FRMPD4: variants seen among roughly 807,000 people sequenced by gnomAD.
The protein encoded by FRMPD4 is FERM and PDZ domain-containing protein 4.
Under a neutral mutation model 94.1 loss-of-function variants are expected in FRMPD4, and 22 were observed. The ratio of observed to expected loss-of-function variants is 0.23; its 90% confidence interval spans 0.17 to 0.33. The LOEUF (loss-of-function observed/expected upper bound fraction) is 0.33, where lower values mean the gene tolerates loss of function less well. FRMPD4 is among the 10% of genes least tolerant of loss of function. The probability of loss-of-function intolerance (pLI) is 1.00; values close to 1 mark genes in which losing one functional copy is unlikely to be tolerated. For missense variants in FRMPD4, 1,111 were observed against 1,339.9 expected, an observed-to-expected ratio of 0.83 and a Z score of 2.67; for synonymous variants, 631 against 548.6, an observed-to-expected ratio of 1.15 and a Z score of -2.10.
chrX:11,873,491 T>C (rs901491247), intron 2 of FRMPD4, among the ~76,000 whole-genome samples: 1 of 110,951 alleles, frequency 9.0e-6, no homozygotes, highest in African/African-American at 3.3e-5. Context: ...AGGGATAAAT[T>C]AGCAAAGAAT....
intron 2 of FRMPD4, among the ~76,000 whole-genome samples, chrX:11,866,228 A>G (rs1185097216): frequency 8.9e-6 from 1 of 112,149 alleles, no homozygotes; most frequent in Non-Finnish European, 1.9e-5. Flanking sequence ...ACAAGTAAAC[A>G]GTATAGGTTT....
At chrX:12,684,255 C>G (rs1387632033) in intron 6 of FRMPD4, among the ~76,000 whole-genome samples, 2 of 112,494 alleles carry the variant, frequency 1.8e-5, no homozygotes, top group African/African-American at 6.5e-5. Flanking sequence ...TTTTAGAAAA[C>G]TATCATCCAA....
At chrX:12,594,146 T>C (rs1014457267) in intron 2 of FRMPD4, among the ~76,000 whole-genome samples, 6 of 111,819 alleles carry the variant, frequency 5.4e-5, no homozygotes, top group Non-Finnish European at 9.4e-5. Context: ...TTCTAATGTG[T>C]CATTTGCTTT....
At chrX:12,259,286 TGGTTTTTAG>T (rs2054159073) in intron 1 of FRMPD4, among the ~76,000 whole-genome samples, 2 of 111,493 alleles carry the variant, frequency 1.8e-5, no homozygotes, top group African/African-American at 3.3e-5. Flanking sequence ...GAAGTTTTTA[TGGTTTTTAG>T]GGTGGGGCCT....
chrX:11,914,128 G>A (rs2054010665), intron 3 of FRMPD4, among the ~76,000 whole-genome samples: 1 of 111,541 alleles, frequency 9.0e-6, no homozygotes, highest in Non-Finnish European at 1.9e-5. Context: ...CAGATTTACA[G>A]AAGGTTCATA....
intron 1 of FRMPD4, among the ~76,000 whole-genome samples, chrX:11,864,293 C>G (rs899741831): frequency 7.6e-4 from 83 of 108,825 alleles, no homozygotes; most frequent in African/African-American, 2.4e-3. Context: ...CAGAGAGGAT[C>G]CTGGGTGTGG....
intron 1 of FRMPD4, among the ~76,000 whole-genome samples, chrX:12,486,437 C>T (rs1193296106): frequency 8.9e-6 from 1 of 112,412 alleles, no homozygotes; most frequent in Admixed American, 9.4e-5. Flanking sequence ...GGCTTTTCTG[C>T]ACTTTTCTAA....
At chrX:12,166,987 C>G (rs887735953) in intron 1 of FRMPD4, among the ~76,000 whole-genome samples, 3 of 110,656 alleles carry the variant, frequency 2.7e-5, no homozygotes, top group African/African-American at 9.9e-5. Flanking sequence ...TTTTGTTGAT[C>G]TTTTCAATGA....
At chrX:12,055,226 G>A (rs926987758) in intron 3 of FRMPD4, among the ~76,000 whole-genome samples, 1 of 111,876 alleles carries the variant, frequency 8.9e-6, no homozygotes, top group African/African-American at 3.2e-5. Context: ...GAAGGTTTTT[G>A]GAGTGAACCA....
At chrX:12,033,056 A>T (rs2054700998) in intron 3 of FRMPD4, among the ~76,000 whole-genome samples, 1 of 112,336 alleles carries the variant, frequency 8.9e-6, no homozygotes, top group African/African-American at 3.2e-5. Flanking sequence ...GACTACCTTC[A>T]TTGTGGTGCA....
At chrX:12,539,045 A>T (rs1224265884) in intron 2 of FRMPD4, among the ~76,000 whole-genome samples, 6 of 111,942 alleles carry the variant, frequency 5.4e-5, no homozygotes, top group Non-Finnish European at 1.1e-4. Context: ...TTGAAAAAAA[A>T]TTAGATGAAT....
chrX:12,450,933 T>A, intron 1 of FRMPD4, among the ~76,000 whole-genome samples: 1 of 99,957 alleles, frequency 1.0e-5, no homozygotes, highest in East Asian at 3.2e-4. Context: ...ATTAAGCCAG[T>A]GGCCCCTCAT....
At chrX:12,001,713 G>A (rs1488726564) in intron 3 of FRMPD4, among the ~76,000 whole-genome samples, 1 of 111,915 alleles carries the variant, frequency 8.9e-6, no homozygotes, top group Non-Finnish European at 1.9e-5. Context: ...CTAGAGGCTT[G>A]CTAGAATGAC....
intron 1 of FRMPD4, among the ~76,000 whole-genome samples, chrX:12,475,545 A>G (rs2057584350): frequency 8.9e-6 from 1 of 112,069 alleles, no homozygotes; most frequent in Admixed American, 9.5e-5. Context: ...AGATGACATG[A>G]TTGTATATTT....
rs1361643905 is a variant in FRMPD4 at position 12,158,613 on chromosome X, G to T, written c.41+19601G>T. 3.6e-5 allele frequency among the ~76,000 whole-genome samples: 4 copies of T among 111,641 alleles called. No individual in the cohort carries two copies. In the East Asian group the frequency reaches 1.1e-3, roughly 31 times the overall value. On this transcript the variant is annotated intron_variant, in intron 1 of 16. Transcript: ENST00000675598. ...CTCTGTCTTTGAACATAATATCAAT[G>T]GAATCATATAGATGTGTCTTTTTTT... is the stretch of plus-strand genomic sequence containing the variant.
chrX:12,329,060 G>A (rs6530502), intron 1 of FRMPD4, among the ~76,000 whole-genome samples: 4,820 of 112,333 alleles, frequency 0.043, 242 homozygotes, highest in African/African-American at 0.14. Context: ...GTCCATTTTT[G>A]TGCTTAGATT....
At chrX:12,708,353 C>A (rs186986629) in intron 13 of FRMPD4, among the ~76,000 whole-genome samples, 48 of 109,215 alleles carry the variant, frequency 4.4e-4, no homozygotes, top group African/African-American at 1.4e-3. Flanking sequence ...ACCTGTAATC[C>A]CAGCTACTCA....
chrX:12,518,825 GCA>G (rs757932325), intron 2 of FRMPD4, among the ~76,000 whole-genome samples: 71 of 107,454 alleles, frequency 6.6e-4, no homozygotes, highest in South Asian at 8.0e-4. Context: ...GTGCGCGCGT[GCA>G]CACACACACA....
At chrX:12,128,778 C>A (rs2055522631) in intron 3 of FRMPD4, among the ~76,000 whole-genome samples, 2 of 112,224 alleles carry the variant, frequency 1.8e-5, no homozygotes, top group Admixed American at 9.4e-5. Context: ...CTCTTGAATT[C>A]CTTGCTGCTT....
Sources: gnomAD v4.1 joint callset for allele counts (sites outside exome capture counted in the v4.1 genomes callset) on GRCh38, gnomAD v4.1.1 for gene constraint, MANE v1.5 for transcripts, NCBI Gene and HGNC (gene_info 2026-07-23, HGNC 2026-07-21) for gene names.